Variants in NRG3 observed in about 807,000 individuals in gnomAD.
NRG3 encodes the protein pro-neuregulin-3, membrane-bound isoform.
In NRG3, 31 loss-of-function variants were observed where a neutral mutation model predicts 66.9. That is an observed-to-expected ratio of 0.46 (90% confidence interval 0.35 to 0.63). NRG3 has a LOEUF of 0.63. Ranked by LOEUF, NRG3 falls within the 20% of genes least tolerant of loss-of-function variation. The pLI is 0.00. For synonymous variants in NRG3, 393 were observed against 359.4 expected, an observed-to-expected ratio of 1.09 and a Z score of -1.06; for missense variants, 910 against 878.9, an observed-to-expected ratio of 1.04 and a Z score of -0.45.
intron 2 of NRG3, among the ~76,000 whole-genome samples, chr10:82,688,785 A>G (rs2054704125): frequency 1.3e-5 from 2 of 151,884 alleles, no homozygotes; most frequent in Admixed American, 1.3e-4. Context: ...AAAAAAAGAA[A>G]AGAAAAGAAA....
intron 2 of NRG3, among the ~76,000 whole-genome samples, chr10:82,591,499 T>G (rs897273865): frequency 3.9e-5 from 6 of 152,230 alleles, no homozygotes; most frequent in African/African-American, 1.4e-4. Flanking sequence ...GAGTTTGTGG[T>G]GAGCAATTCT....
At chr10:82,577,942 C>T (rs1321154162) in intron 2 of NRG3, among the ~76,000 whole-genome samples, 8 of 151,538 alleles carry the variant, frequency 5.3e-5, no homozygotes, top group African/African-American at 1.2e-4. Context: ...AAACTGATCA[C>T]GACAAACTCT....
At chr10:81,960,792 C>G (rs986495625) in intron 1 of NRG3, among the ~76,000 whole-genome samples, 4 of 151,894 alleles carry the variant, frequency 2.6e-5, no homozygotes, top group African/African-American at 9.7e-5. Flanking sequence ...AATGCCACAT[C>G]CGCTGATTTC....
At chr10:82,113,335 C>G (rs1474774959) in intron 1 of NRG3, among the ~76,000 whole-genome samples, 1 of 152,126 alleles carries the variant, frequency 6.6e-6, no homozygotes, top group East Asian at 1.9e-4. Flanking sequence ...GTCCTATGGT[C>G]CCAGAGCCCC....
chr10:82,836,038 T>G (rs2062758662), intron 3 of NRG3, among the ~76,000 whole-genome samples: 1 of 152,192 alleles, frequency 6.6e-6, no homozygotes, highest in African/African-American at 2.4e-5. Flanking sequence ...AAGAATGGTC[T>G]TCACATTTTT....
chr10:82,051,940 C>A (rs569731702), intron 1 of NRG3, among the ~76,000 whole-genome samples: 1 of 152,068 alleles, frequency 6.6e-6, no homozygotes, highest in South Asian at 2.1e-4. Context: ...TGTGAGTTGG[C>A]TTAGCAATGT....
intron 2 of NRG3, among the ~76,000 whole-genome samples, chr10:82,500,919 G>C (rs1341920221): frequency 6.6e-6 from 1 of 152,162 alleles, no homozygotes; most frequent in Non-Finnish European, 1.5e-5. Context: ...TATTTAATGA[G>C]AGGTAAGGAT....
In NRG3 at chr10:81,876,835, C is replaced by T. The variant is rs181484558; in HGVS notation, c.823+672C>T. Reference sequence around the variant, plus strand: ...GCCTGTGGCCATTCCAAGGTGTAGACATAGATTCTGTGACCGCCGAGAGTG... The same window carrying T: ...GCCTGTGGCCATTCCAAGGTGTAGATATAGATTCTGTGACCGCCGAGAGTG... On this transcript the variant is annotated intron_variant, in intron 1 of 8. Coordinates refer to ENST00000372141, the MANE Select transcript of NRG3 (RefSeq NM_001010848.4). 4.8e-3 allele frequency among the ~76,000 whole-genome samples: 730 copies of T among 152,048 alleles called. 2 individuals are homozygous for T. Among genetic ancestry groups the T allele is most frequent in the Non-Finnish European group, 8.5e-3 (579 of 67,962 alleles).
chr10:82,705,409 T>C (rs371630846), intron 2 of NRG3, among the ~76,000 whole-genome samples: 2 of 152,200 alleles, frequency 1.3e-5, no homozygotes, highest in South Asian at 4.1e-4. Context: ...AGCAATCTGT[T>C]TGTTAACAAG....
intron 1 of NRG3, among the ~76,000 whole-genome samples, chr10:82,016,047 G>A (rs1027598666): frequency 2.0e-5 from 3 of 150,954 alleles, no homozygotes; most frequent in Non-Finnish European, 2.9e-5. Context: ...GTTAGCAACT[G>A]CAAAGGAACC....
At chr10:82,186,748 T>C (rs781678735) in intron 1 of NRG3, among the ~76,000 whole-genome samples, 37 of 152,324 alleles carry the variant, frequency 2.4e-4, no homozygotes, top group Middle Eastern at 3.4e-3. Context: ...TACACACCGA[T>C]GGAATTTACA....
chr10:82,130,397 G>T (rs562154998), intron 1 of NRG3, among the ~76,000 whole-genome samples: 2 of 150,808 alleles, frequency 1.3e-5, no homozygotes, highest in South Asian at 2.1e-4. Flanking sequence ...CCCACAACAG[G>T]CCCCAGTGTG....
At chr10:82,297,593 C>T (rs922933354) in intron 1 of NRG3, among the ~76,000 whole-genome samples, 28 of 152,050 alleles carry the variant, frequency 1.8e-4, no homozygotes, top group Admixed American at 1.6e-3. Context: ...TAAGAAAGCC[C>T]CTAAAGTTTT....
intron 1 of NRG3, among the ~76,000 whole-genome samples, chr10:82,090,090 G>A (rs2065939762): frequency 6.6e-6 from 1 of 152,168 alleles, no homozygotes; most frequent in African/African-American, 2.4e-5. Context: ...ATTACATACT[G>A]TAGTGAAGTA....
At chr10:82,800,710 A>G (rs2060999246) in intron 3 of NRG3, among the ~76,000 whole-genome samples, 1 of 152,226 alleles carries the variant, frequency 6.6e-6, no homozygotes, top group Admixed American at 6.5e-5. Flanking sequence ...AACAAGCTGC[A>G]AAGTACCAAA....
intron 1 of NRG3, among the ~76,000 whole-genome samples, chr10:82,085,222 T>A (rs1052531415): frequency 6.6e-6 from 1 of 152,090 alleles, no homozygotes; most frequent in African/African-American, 2.4e-5. Context: ...GGAAAATACA[T>A]GCTTTACCAG....
At position 81,876,211 on chromosome 10, in the gene NRG3, T is replaced by A. The variant is rs940146368; in HGVS notation, c.823+48T>A. The A allele has an allele frequency of 9.2e-6, 14 of 1,521,632 alleles. No homozygotes were observed. In the Admixed American group the frequency reaches 2.8e-4, roughly 31 times the overall value. 94.3% of individuals were successfully genotyped at this position (1,521,632 alleles called of 1,614,324 possible). ...CTATGATTTACTACTGAGTTTCCCT[T>A]CTGCCCTCCTGCTGTCTTTTTCCCT... On this transcript the variant is annotated intron_variant, in intron 1 of 8. Transcript: ENST00000372141.
chr10:82,505,979 G>A (rs1038122913), intron 2 of NRG3, among the ~76,000 whole-genome samples: 1 of 152,242 alleles, frequency 6.6e-6, no homozygotes, highest in African/African-American at 2.4e-5. Flanking sequence ...CCAGGCGCGT[G>A]GCTCACGCCT....
At chr10:82,101,872 A>C (rs1055111160) in intron 1 of NRG3, among the ~76,000 whole-genome samples, 11 of 150,594 alleles carry the variant, frequency 7.3e-5, no homozygotes, top group African/African-American at 2.7e-4. Flanking sequence ...ATTGTTGCTG[A>C]TTTTCTGTAT....
Sources: allele counts gnomAD v4.1 joint callset (sites outside exome capture counted in the v4.1 genomes callset), GRCh38; gene constraint gnomAD v4.1.1; transcripts MANE v1.5; gene names NCBI Gene and HGNC (gene_info 2026-07-23, HGNC 2026-07-21).